SORCS3: variants seen among roughly 807,000 people sequenced by gnomAD.
SORCS3 encodes sortilin related VPS10 domain containing receptor 3, also known as VPS10 domain-containing receptor SorCS3.
A neutral mutation model predicts 146.3 loss-of-function variants in SORCS3; 57 were observed. That is an observed-to-expected ratio of 0.39 (90% confidence interval 0.31 to 0.49). The LOEUF (loss-of-function observed/expected upper bound fraction) is 0.49. SORCS3 is among the 20% of genes least tolerant of loss of function. SORCS3 has a pLI of 0.92. For missense variants in SORCS3, 1,341 were observed against 1,575.5 expected, an observed-to-expected ratio of 0.85 and a Z score of 2.52; for synonymous variants, 653 against 618.5, an observed-to-expected ratio of 1.06 and a Z score of -0.83.
chr10:105,168,765 A>G (rs1290881857), intron 13 of SORCS3, among the ~76,000 whole-genome samples: 1 of 152,146 alleles, frequency 6.6e-6, no homozygotes, highest in East Asian at 1.9e-4. Context: ...TAGGTCAAAA[A>G]TGATCAAATA....
chr10:105,140,525 G>A (rs948417970), intron 8 of SORCS3, among the ~76,000 whole-genome samples: 2 of 152,170 alleles, frequency 1.3e-5, no homozygotes, highest in Admixed American at 6.5e-5. Flanking sequence ...AGAAGTTCAA[G>A]GGCCATCTTG....
chr10:104,920,096 A>G (rs1454954547), intron 3 of SORCS3, among the ~76,000 whole-genome samples: 1 of 152,254 alleles, frequency 6.6e-6, no homozygotes, highest in Non-Finnish European at 1.5e-5. Context: ...AGATTTGGTT[A>G]GTACCCAAAT....
intron 4 of SORCS3, among the ~76,000 whole-genome samples, chr10:104,986,580 T>A (rs2133658959): frequency 6.6e-6 from 1 of 152,328 alleles, no homozygotes; most frequent in East Asian, 1.9e-4. Flanking sequence ...CCTTCCTTAC[T>A]GAGCTTAATC....
intron 20 of SORCS3, among the ~76,000 whole-genome samples, chr10:105,236,285 C>T (rs1046274513): frequency 3.3e-5 from 5 of 152,066 alleles, no homozygotes; most frequent in African/African-American, 1.2e-4. Flanking sequence ...TCTACTAATT[C>T]CCATTTATCA....
chr10:104,664,210 AGT>A (rs983794504), intron 1 of SORCS3, among the ~76,000 whole-genome samples: 1 of 152,092 alleles, frequency 6.6e-6, no homozygotes, highest in African/African-American at 2.4e-5. Flanking sequence ...CTGTCTTTAC[AGT>A]GTGTCCTTCA....
intron 20 of SORCS3, among the ~76,000 whole-genome samples, chr10:105,242,820 T>C (rs2056842025): frequency 1.6e-5 from 1 of 63,364 alleles, no homozygotes; most frequent in African/African-American, 5.9e-5. Context: ...TATATATTTT[T>C]ATATATAAAT....
chr10:105,086,171 T>A (rs755595670), intron 5 of SORCS3, among the ~76,000 whole-genome samples: 1 of 152,196 alleles, frequency 6.6e-6, no homozygotes, highest in Non-Finnish European at 1.5e-5. Context: ...AGCCAAGATG[T>A]CTCATGACCC....
chr10:104,828,430 A>G (rs2017963181), intron 1 of SORCS3, among the ~76,000 whole-genome samples: 1 of 152,166 alleles, frequency 6.6e-6, no homozygotes, highest in Admixed American at 6.6e-5. Context: ...TTTGTCAATT[A>G]AGTTCACTGT....
intron 1 of SORCS3, among the ~76,000 whole-genome samples, chr10:104,749,492 G>T (rs906889922): frequency 6.6e-6 from 1 of 152,116 alleles, no homozygotes; most frequent in African/African-American, 2.4e-5. Context: ...GGATTTTAAA[G>T]GGAAGCATGT....
At chr10:104,957,315 T>C (rs2019505373) in intron 3 of SORCS3, among the ~76,000 whole-genome samples, 1 of 152,180 alleles carries the variant, frequency 6.6e-6, no homozygotes, top group African/African-American at 2.4e-5. Context: ...TTTCAGCAAT[T>C]ATAAATGGCA....
At chr10:104,967,837 T>C (rs2054834831) in intron 3 of SORCS3, among the ~76,000 whole-genome samples, 1 of 151,816 alleles carries the variant, frequency 6.6e-6, no homozygotes, top group South Asian at 2.1e-4. Flanking sequence ...TTTTTTTTTT[T>C]TTGATAGAGT....
chr10:104,956,637 G>A (rs2019494134), intron 3 of SORCS3, among the ~76,000 whole-genome samples: 1 of 151,988 alleles, frequency 6.6e-6, no homozygotes, highest in Non-Finnish European at 1.5e-5. Context: ...TAGAACTGAA[G>A]CCTTGAAGTC....
At chr10:104,893,289 G>A (rs552395758) in intron 2 of SORCS3, among the ~76,000 whole-genome samples, 23 of 152,220 alleles carry the variant, frequency 1.5e-4, no homozygotes, top group Non-Finnish European at 3.1e-4. Context: ...ATGCAAGGCT[G>A]ATGTAGATAC....
At chr10:104,962,618 A>G (rs1206525623) in intron 3 of SORCS3, among the ~76,000 whole-genome samples, 2 of 152,158 alleles carry the variant, frequency 1.3e-5, no homozygotes, top group African/African-American at 2.4e-5. Context: ...TGTGCTCACC[A>G]TGTGGATAGA....
intron 2 of SORCS3, among the ~76,000 whole-genome samples, chr10:104,875,044 T>C (rs957489302): frequency 2.0e-4 from 31 of 152,278 alleles, no homozygotes; most frequent in Middle Eastern, 6.8e-3. Context: ...TTTGAATACA[T>C]GATGTCTTCC....
chr10:105,008,377 TTAAC>T (rs2055110672), intron 4 of SORCS3, among the ~76,000 whole-genome samples: 1 of 152,206 alleles, frequency 6.6e-6, no homozygotes, highest in Non-Finnish European at 1.5e-5. Context: ...CTTCTTCACT[TTAAC>T]AGCCTCTGAC....
chr10:104,668,094 A>G (rs967472332), intron 1 of SORCS3, among the ~76,000 whole-genome samples: 43 of 152,132 alleles, frequency 2.8e-4, no homozygotes, highest in African/African-American at 9.9e-4. Flanking sequence ...GGGCTGCCCA[A>G]CTCAGATGAG....
At chr10:104,871,823 TG>T (rs1261813186) in intron 2 of SORCS3, among the ~76,000 whole-genome samples, 1 of 152,182 alleles carries the variant, frequency 6.6e-6, no homozygotes, top group Admixed American at 6.5e-5. Flanking sequence ...AGGGAGTTCC[TG>T]GGGTGATGGG....
intron 2 of SORCS3, among the ~76,000 whole-genome samples, chr10:104,898,348 T>C (rs1434831243): frequency 2.0e-5 from 3 of 152,228 alleles, no homozygotes; most frequent in Non-Finnish European, 4.4e-5. Context: ...GCATGAATAT[T>C]TGGAAAATGA....
Sources: allele counts gnomAD v4.1 joint callset (sites outside exome capture counted in the v4.1 genomes callset), GRCh38; gene constraint gnomAD v4.1.1; transcripts MANE v1.5; gene names NCBI Gene and HGNC (gene_info 2026-07-23, HGNC 2026-07-21).